STAB1: variants seen among roughly 807,000 people sequenced by gnomAD.
STAB1 encodes stabilin-1.
A neutral mutation model predicts 332.4 loss-of-function variants in STAB1; 250 were observed. That is an observed-to-expected ratio of 0.75 (90% CI 0.68 to 0.84). STAB1 has a LOEUF of 0.84. STAB1 is among the 40% of genes least tolerant of loss of function. The pLI, the probability that STAB1 is intolerant of heterozygous loss-of-function variation, is 0.00. For synonymous variants in STAB1, 1,475 were observed against 1,390.4 expected, an observed-to-expected ratio of 1.06 and a Z score of -1.35; for missense variants, 3,249 against 3,489.7, an observed-to-expected ratio of 0.93 and a Z score of 1.74.
At position 52,499,638 on chromosome 3, in the gene STAB1, G is replaced by A. The variant is rs1027267282; in HGVS notation, c.79-1528G>A. On this transcript the variant is annotated intron_variant, in intron 1 of 68. Transcript: ENST00000321725. ...TGGCCGGCCGGGCGCGGTGGCTCAC[G>A]CCTGTAATCCCAGCACTTTGGGAGG... is the stretch of plus-strand genomic sequence containing the variant. Among the ~76,000 whole-genome samples the A allele has an allele frequency of 3.9e-5, 6 of 152,192 alleles. No individual in the cohort carries two copies. The East Asian group carries it at 7.7e-4, about 20-fold the overall frequency.
intron 20 of STAB1, 88 bp downstream of exon 20, chr3:52,508,114 C>T (rs958336188): frequency 1.4e-6 from 2 of 1,425,656 alleles, no homozygotes; most frequent in Non-Finnish European, 1.9e-6. Context: ...AGTGGGCTCC[C>T]TCCCTCAGAG....
chr3:52,503,236 C>T, intron 7 of STAB1, 108 bp from the exon 8 acceptor site: 2 of 1,504,758 alleles, frequency 1.3e-6, no homozygotes, highest in African/African-American at 1.4e-5. Flanking sequence ...GGAGCCTATC[C>T]TCAAGGCCTA....
Position 52,503,775 on chromosome 3 carries a change from T to A in STAB1, c.895T>A (p.Phe299Ile). The A allele has an allele frequency of 1.2e-6, 2 of 1,613,136 alleles. No homozygotes were observed. The highest frequency in any genetic ancestry group is 1.7e-6 in the Non-Finnish European group (2 of 1,180,020). The change falls in exon 9 of 69, where the codon TTC becomes ATC. Residue 299 changes from phenylalanine to isoleucine, a missense_variant. Phe to Ile is a conservative substitution (Grantham distance 21). Coordinates refer to ENST00000321725, the MANE Select transcript of STAB1 (RefSeq NM_015136.3). ...CTCCTGCCCTGTCGGGGGCCAGGCC[T>A]TCTGCACCTGCCGGCCAGGCCTGGT... The part of the protein sequence containing the change: ...LCVYQKPGQA[F>I]CTCRPGLVSI...
chr3:52,498,552 C>T (rs1708211158), intron 1 of STAB1, among the ~76,000 whole-genome samples: 1 of 152,266 alleles, frequency 6.6e-6, no homozygotes, highest in Non-Finnish European at 1.5e-5. Flanking sequence ...AGTGTCCACA[C>T]CAGGCCCCAA....
intron 26 of STAB1, 124 bp from the exon 27 acceptor site, chr3:52,512,217 G>C (rs1486177173): frequency 1.1e-6 from 1 of 883,986 alleles, no homozygotes; most frequent in Non-Finnish European, 1.8e-6. Context: ...AACACAGACT[G>C]GGTGGCTGCA....
In STAB1 at chr3:52,503,927, A is replaced by C. The variant is rs770768268; in HGVS notation, c.1022+25A>C. 1.9e-6 allele frequency: 3 copies of C among 1,612,620 alleles called. No homozygotes were observed. The Admixed American group carries it at 5.0e-5, about 27-fold the overall frequency. On this transcript the variant is annotated intron_variant, in intron 9 of 68. Coordinates refer to ENST00000321725, the MANE Select transcript of STAB1 (RefSeq NM_015136.3). ...GGTGAGCACAGGTGCCTGGGAGCAGAGACAGTGGGTTGGGCAAGCGTGCCC... is the reference window on the plus strand; with the variant it reads ...GGTGAGCACAGGTGCCTGGGAGCAGCGACAGTGGGTTGGGCAAGCGTGCCC...
chr3:52,498,938 C>T (rs1167541417), intron 1 of STAB1, among the ~76,000 whole-genome samples: 2 of 152,236 alleles, frequency 1.3e-5, no homozygotes, highest in African/African-American at 4.8e-5. Flanking sequence ...GTTTGCAGAC[C>T]GCAGAGGCAT....
chr3:52,507,791 G>A (rs377395975), intron 19 of STAB1, 116 bp downstream of exon 19: 2 of 1,486,708 alleles, frequency 1.3e-6, no homozygotes, highest in South Asian at 2.3e-5. Flanking sequence ...CACACCTGGA[G>A]GCTAAGTGCT....
At chr3:52,508,082 G>A (rs1370460036) in intron 20 of STAB1, 56 bp downstream of exon 20, 41 of 1,564,572 alleles carry the variant, frequency 2.6e-5, no homozygotes, top group South Asian at 4.6e-5. Flanking sequence ...GCTGTTCCTC[G>A]GGGGCCCCCA....
chr3:52,516,567 G>A lies in STAB1; in HGVS notation c.4266G>A (p.Arg1422=). ...DQKITSPQCP[R]KCDPNANCVQ... The stretch of plus-strand genomic sequence containing the variant: ...AAATCACCAGCCCTCAGTGCCCTAG[G>A]AAGTGCGACCCCAATGCCAAGTGAG... Residue 1422 remains arginine (R), a synonymous_variant, in exon 40 of 69, where the codon AGG becomes AGA. Transcript: ENST00000321725. The A allele has an allele frequency of 6.2e-7, 1 of 1,613,198 alleles. No homozygotes were observed. Among genetic ancestry groups the A allele is most frequent in the Non-Finnish European group, 8.5e-7 (1 of 1,179,998 alleles).
Position 52,524,369 on chromosome 3 carries a change from T to G in STAB1, c.*13T>G. The G allele has an allele frequency of 1.9e-6, 3 of 1,613,664 alleles. No homozygotes were observed. The highest frequency in any genetic ancestry group is 2.5e-6 in the Non-Finnish European group (3 of 1,179,974). On this transcript the variant is annotated 3_prime_UTR_variant, in exon 69 of 69. Transcript: ENST00000321725. ...CACAGTCAAGTGACGAGGCTGGGGC[T>G]GAAAGCAGAAGCATGCACAGGGAGG... is the stretch of plus-strand genomic sequence containing the variant.
Position 52,504,131 on chromosome 3 carries a change from C to A in STAB1, c.1126C>A (p.Leu376Met). Residue 376 changes from leucine (L) to methionine (M), a missense_variant, in exon 10 of 69, where the codon CTG (leucine) becomes ATG (methionine). Physicochemically the swap from Leu to Met is conservative, Grantham distance 15. Transcript: ENST00000321725. Reference sequence around the variant, plus strand: ...GCAGACAGGCCGGGTGTTCCTGCAGCTGAGGGTCGCCGTGGCCATGATGGG... The same window carrying A: ...GCAGACAGGCCGGGTGTTCCTGCAGATGAGGGTCGCCGTGGCCATGATGGG... ...ATQTGRVFLQLRVAVAMMDQG... is the reference protein window; with the variant it reads ...ATQTGRVFLQMRVAVAMMDQG... The A allele has an allele frequency of 6.3e-7, 1 of 1,590,380 alleles. No individual in the cohort carries two copies. The highest frequency in any genetic ancestry group is 1.1e-5 in the South Asian group (1 of 87,980).
In STAB1 at chr3:52,519,527, A is replaced by G; in HGVS notation, c.5198A>G (p.Gln1733Arg). 6.2e-7 allele frequency: 1 copy of G among 1,613,280 alleles called. No homozygotes were observed. Among genetic ancestry groups the G allele is most frequent in the Non-Finnish European group, 8.5e-7 (1 of 1,179,996 alleles). Residue 1733 changes from glutamine (Q) to arginine (R), a missense_variant, in exon 50 of 69, where the codon CAG (glutamine) becomes CGG (arginine). Gln to Arg is a conservative substitution (Grantham distance 43). Coordinates refer to ENST00000321725, the MANE Select transcript of STAB1 (RefSeq NM_015136.3). ...CAGAGAAATGTCACCGCCGCCGCCCAGGGCTTCGGTTACAAGATCTTCAGC... is the reference window on the plus strand; with the variant it reads ...CAGAGAAATGTCACCGCCGCCGCCCGGGGCTTCGGTTACAAGATCTTCAGC... ...IPRRNVTAAA[Q>R]GFGYKIFSGL...
chr3:52,508,091 C>T, intron 20 of STAB1, 65 bp downstream of exon 20: 4 of 1,521,672 alleles, frequency 2.6e-6, no homozygotes, highest in Middle Eastern at 1.7e-4. Flanking sequence ...CGGGGGCCCC[C>T]AAGCTGGGGC....
chr3:52,502,045 G>T lies in STAB1; in HGVS notation c.371G>T (p.Gly124Val). Residue 124 changes from glycine (G) to valine (V), a missense_variant, in exon 4 of 69, where the codon GGG (glycine) becomes GTG (valine). By Grantham distance (109) the Gly-to-Val change is moderately radical. Transcript: ENST00000321725. ...GGAETPCNGH[G>V]TCLDGMDRNG... is the part of the protein sequence containing the mutation. ...GCTGAGACCCCATGCAATGGCCACG[G>T]GACCTGCTTGGATGGCATGGACAGG... The T allele has an allele frequency of 6.2e-7, 1 of 1,613,464 alleles. No homozygotes were observed. Among genetic ancestry groups the T allele is most frequent in the Non-Finnish European group, 8.5e-7 (1 of 1,180,030 alleles).
Position 52,504,799 on chromosome 3 carries a change from GAC to G in STAB1, c.1304_1305del (p.Thr435LysfsTer21). 1 of 1,613,910 alleles carries G rather than the reference GAC, an allele frequency of 6.2e-7. No homozygotes were observed. The highest frequency in any genetic ancestry group is 8.5e-7 in the Non-Finnish European group (1 of 1,180,040). ...HIIAGQHILEDTRTQQTRRWW... is the reference protein window; with the variant it reads ...HIIAGQHILEXTRTQQTRRWW... ...CATCGCAGGGCAGCACATCCTGGAG[GAC>G]ACAAGGACCCAACAAACACGAAGGT... On this transcript the variant is annotated frameshift_variant, in exon 12 of 69. Coordinates refer to ENST00000321725, the MANE Select transcript of STAB1 (RefSeq NM_015136.3). LOFTEE classifies it high-confidence loss of function.
At position 52,503,858 on chromosome 3, in the gene STAB1, C is replaced by A. The variant is rs141430355; in HGVS notation, c.978C>A (p.Cys326Ter). 1.5e-5 allele frequency: 25 copies of A among 1,613,260 alleles called. No individual in the cohort carries two copies. The highest frequency in any genetic ancestry group is 2.0e-5 in the Non-Finnish European group (24 of 1,180,028). ...TCGCCTTCTGCTCCCCCTTCTCCTG[C>A]GACCGGTCTGCCACTTGCCAGGTGA... Reference protein sequence around the residue: ...GCFAFCSPFSCDRSATCQVTA... With the variant: ...GCFAFCSPFS Residue 326 changes from cysteine to a stop codon, truncating the protein, a stop_gained, in exon 9 of 69, where the codon TGC (cysteine) becomes TGA (stop). Transcript: ENST00000321725. LOFTEE classifies it high-confidence loss of function.
intron 2 of STAB1, 58 bp downstream of exon 2, chr3:52,501,360 C>T: frequency 6.3e-7 from 1 of 1,588,046 alleles, no homozygotes; most frequent in Non-Finnish European, 8.6e-7. Context: ...GTGGCAGGGA[C>T]TCGGGGAGCC....
chr3:52,499,230 T>C (rs987675118), intron 1 of STAB1, among the ~76,000 whole-genome samples: 1 of 152,222 alleles, frequency 6.6e-6, no homozygotes, highest in Non-Finnish European at 1.5e-5. Flanking sequence ...TTCCTCCCAC[T>C]AGAACTGGGA....
Sources: allele counts gnomAD v4.1 joint callset (sites outside exome capture counted in the v4.1 genomes callset), GRCh38; gene constraint gnomAD v4.1.1; transcripts MANE v1.5; gene names NCBI Gene and HGNC (gene_info 2026-07-23, HGNC 2026-07-21).